The following TBC1D12 variants were observed in gnomAD, a reference collection of about 807,000 sequenced individuals.
TBC1D12 encodes the protein TBC1 domain family, member 12.
In TBC1D12, 56 loss-of-function variants were observed where a neutral mutation model predicts 86.7. That is an observed-to-expected ratio of 0.65 (90% CI 0.52 to 0.81). The LOEUF (loss-of-function observed/expected upper bound fraction) is 0.81. TBC1D12 is among the 30% of genes least tolerant of loss of function. TBC1D12 has a pLI of 0.00. For missense variants in TBC1D12, 1,023 were observed against 1,038.8 expected (o/e 0.98, Z 0.21); for synonymous variants, 421 against 411.7 (o/e 1.02, Z -0.27).
chr10:94,424,376 T>C (rs1482205434), intron 1 of TBC1D12, among the ~76,000 whole-genome samples: 1 of 152,206 alleles, frequency 6.6e-6, no homozygotes, highest in African/African-American at 2.4e-5. Flanking sequence ...ATTCTGTTAT[T>C]TTCTGCTTAT....
At chr10:94,483,941 T>A (rs1248148696) in intron 3 of TBC1D12, among the ~76,000 whole-genome samples, 1 of 146,868 alleles carries the variant, frequency 6.8e-6, no homozygotes, top group Non-Finnish European at 1.5e-5. Flanking sequence ...TAATGTATTT[T>A]GATTTGATTT....
intron 1 of TBC1D12, among the ~76,000 whole-genome samples, chr10:94,410,652 A>T (rs2054917362): frequency 1.3e-5 from 2 of 152,304 alleles, no homozygotes; most frequent in South Asian, 4.1e-4. Context: ...TTAATGTAAG[A>T]ATTACAACTA....
Position 94,535,902 on chromosome 10 carries a change from T to G in TBC1D12, c.*2806T>G, listed in dbSNP as rs1021769234. 5 of 152,192 alleles carry G rather than the reference T, an allele frequency of 3.3e-5. No individual in the cohort carries two copies. The highest frequency in any genetic ancestry group is 6.5e-5 in the Admixed American group (1 of 15,276). 9.4% of individuals were successfully genotyped at this position (152,192 alleles called of 1,614,324 possible). A position where few individuals can be genotyped will look rare whatever the true frequency, so the allele number is the denominator to read the frequency against. On this transcript the variant is annotated 3_prime_UTR_variant, in exon 13 of 13. Coordinates refer to ENST00000225235, the MANE Select transcript of TBC1D12 (RefSeq NM_015188.2). ...ACTAAAAACCACTCATAACAATTACTGTGTAAATAAAACTGGTAAGCAGAG... is the reference window on the plus strand; with the variant it reads ...ACTAAAAACCACTCATAACAATTACGGTGTAAATAAAACTGGTAAGCAGAG...
intron 2 of TBC1D12, among the ~76,000 whole-genome samples, chr10:94,468,260 ATATT>A (rs1014888094): frequency 1.3e-5 from 2 of 152,156 alleles, no homozygotes; most frequent in African/African-American, 4.8e-5. Context: ...CTTTTTGTCT[ATATT>A]TATTATTTTT....
chr10:94,503,134 A>G (rs1224266100), intron 6 of TBC1D12, among the ~76,000 whole-genome samples: 1 of 152,218 alleles, frequency 6.6e-6, no homozygotes, highest in African/African-American at 2.4e-5. Context: ...CATATGTACT[A>G]CAGCTACATT....
At chr10:94,446,014 C>A (rs1050936949) in intron 2 of TBC1D12, among the ~76,000 whole-genome samples, 12 of 151,872 alleles carry the variant, frequency 7.9e-5, no homozygotes, top group Non-Finnish European at 1.8e-4. Context: ...TTTCTACTAT[C>A]TCTGCTTCAA....
At chr10:94,488,834 C>T (rs1484207041) in intron 3 of TBC1D12, among the ~76,000 whole-genome samples, 1 of 152,090 alleles carries the variant, frequency 6.6e-6, no homozygotes, top group Non-Finnish European at 1.5e-5. Context: ...TCACCACTGC[C>T]TGGTGCCCTA....
rs1032536583 is a variant in TBC1D12, at chr10:94,526,965, G to A, written c.2001-4237G>A. On this transcript the variant is annotated intron_variant, in intron 11 of 12. Transcript: ENST00000225235. ...GGATACCTCATTATGCTTTTGATTT[G>A]CATTTCCCTGATGCTTAATTATGTT... is the stretch of plus-strand genomic sequence containing the variant. Among the ~76,000 whole-genome samples the A allele has an allele frequency of 5.3e-5, 8 of 152,104 alleles. No homozygotes were observed. In the South Asian group the frequency reaches 1.7e-3, roughly 32 times the overall value.
At chr10:94,464,727 T>G (rs922686853) in intron 2 of TBC1D12, among the ~76,000 whole-genome samples, 1 of 152,234 alleles carries the variant, frequency 6.6e-6, no homozygotes, top group African/African-American at 2.4e-5. Context: ...CAGTTATTAC[T>G]ATACCCCCAG....
intron 1 of TBC1D12, among the ~76,000 whole-genome samples, chr10:94,432,975 C>A (rs1461368805): frequency 1.3e-5 from 2 of 151,854 alleles, no homozygotes; most frequent in African/African-American, 4.8e-5. Context: ...GAGGCTGAGA[C>A]GGGTGGATCA....
rs2056105513 is a variant in TBC1D12 at position 94,483,241 on chromosome 10, T to C, written c.1211+8458T>C. On this transcript the variant is annotated intron_variant, in intron 3 of 12. Transcript: ENST00000225235. ...TAAACATGGGAGTGCAGATATTTCT[T>C]TGATGTTCTGATTGCCTTTCTTTTG... is the stretch of plus-strand genomic sequence containing the variant. Among the ~76,000 whole-genome samples, 3 of 152,148 alleles carry C rather than the reference T, an allele frequency of 2.0e-5. No individual in the cohort carries two copies. In the South Asian group the frequency reaches 6.2e-4, roughly 32 times the overall value.
At chr10:94,522,632 G>A (rs891359903) in intron 11 of TBC1D12, among the ~76,000 whole-genome samples, 179 bp downstream of exon 11, 15 of 152,066 alleles carry the variant, frequency 9.9e-5, no homozygotes, top group African/African-American at 3.6e-4. Context: ...GCATGGACTC[G>A]GCTGGGTGTG....
intron 2 of TBC1D12, among the ~76,000 whole-genome samples, chr10:94,448,130 CAG>C (rs2055497728): frequency 6.6e-6 from 1 of 152,142 alleles, no homozygotes; most frequent in African/African-American, 2.4e-5. Flanking sequence ...ATTTCTTAAT[CAG>C]AGAGTTTCAA....
intron 1 of TBC1D12, among the ~76,000 whole-genome samples, chr10:94,418,555 CTATTAT>C (rs147676016): frequency 1.1e-3 from 162 of 149,598 alleles, no homozygotes; most frequent in African/African-American, 3.1e-3. Flanking sequence ...ATACTTTGGT[CTATTAT>C]TATTATTATT....
At chr10:94,489,388 G>GGGA (rs2056215720) in intron 3 of TBC1D12, among the ~76,000 whole-genome samples, 1 of 152,198 alleles carries the variant, frequency 6.6e-6, no homozygotes, top group Non-Finnish European at 1.5e-5. Flanking sequence ...CAGGGGTTGG[G>GGGA]GGAGGGGTGG....
chr10:94,457,835 C>T (rs1241850105), intron 2 of TBC1D12, among the ~76,000 whole-genome samples: 1 of 151,956 alleles, frequency 6.6e-6, no homozygotes, highest in Non-Finnish European at 1.5e-5. Context: ...CTGGAGTTTG[C>T]AGTATGTATT....
intron 2 of TBC1D12, among the ~76,000 whole-genome samples, chr10:94,470,979 C>G (rs1235211405): frequency 6.6e-6 from 1 of 151,992 alleles, no homozygotes. Flanking sequence ...CGATTCTGTA[C>G]AAAACTTATT....
At chr10:94,473,113 G>C (rs2134143165) in intron 2 of TBC1D12, among the ~76,000 whole-genome samples, 1 of 152,192 alleles carries the variant, frequency 6.6e-6, no homozygotes, top group Non-Finnish European at 1.5e-5. Flanking sequence ...CTAGCACTTT[G>C]GGAGTTTCAG....
chr10:94,436,259 C>T (rs1238813005), intron 1 of TBC1D12, among the ~76,000 whole-genome samples: 1 of 152,000 alleles, frequency 6.6e-6, no homozygotes, highest in Non-Finnish European at 1.5e-5. Context: ...CCTCAGCCTC[C>T]CAAGTAGCTG....
Sources: allele counts gnomAD v4.1 joint callset (sites outside exome capture counted in the v4.1 genomes callset), GRCh38; gene constraint gnomAD v4.1.1; transcripts MANE v1.5; gene names NCBI Gene and HGNC (gene_info 2026-07-23, HGNC 2026-07-21).